Variants in SLC39A11 observed in about 807,000 individuals in gnomAD.
The protein encoded by SLC39A11 is solute carrier family 39 member 11, also known as zinc transporter ZIP11.
SLC39A11 carries 33 observed loss-of-function variants against 36.1 expected under a neutral mutation model. The ratio of observed to expected loss-of-function variants is 0.91; its 90% confidence interval spans 0.69 to 1.22. The LOEUF is 1.22. SLC39A11 is among the 50% of genes most tolerant of loss of function. SLC39A11 has a pLI of 0.00. For synonymous variants in SLC39A11, 166 were observed against 170.3 expected (o/e 0.97, Z 0.20); for missense variants, 432 against 430.3 (o/e 1.00, Z -0.03).
At chr17:72,914,914 C>T (rs11869452) in intron 5 of SLC39A11, among the ~76,000 whole-genome samples, 21,438 of 151,662 alleles carry the variant, frequency 0.14, 1,834 homozygotes, top group Non-Finnish European at 0.2. Flanking sequence ...CTTTTGTTTG[C>T]GGTGGTTTTT....
rs149925388 is a variant in SLC39A11, at chr17:72,945,823, C to T, written c.430+1929G>A. On this transcript the variant is annotated intron_variant, in intron 5 of 9. Transcript: ENST00000255559. ...AGAGCCAACTCCCCTGACCCCGTCC[C>T]GGCTGTGACTCCATTGGAAAATGTC... Among the ~76,000 whole-genome samples, 295 of 152,302 alleles carry T rather than the reference C, an allele frequency of 1.9e-3. 1 individual carries two copies. The highest frequency in any genetic ancestry group is 6.7e-3 in the African/African-American group (278 of 41,556).
At chr17:73,076,065 T>C (rs969779176) in intron 3 of SLC39A11, among the ~76,000 whole-genome samples, 27 of 152,200 alleles carry the variant, frequency 1.8e-4, no homozygotes, top group African/African-American at 6.5e-4. Flanking sequence ...CTAAAATCTT[T>C]TCCACCCTTT....
At chr17:72,923,551 G>A (rs1453302148) in intron 5 of SLC39A11, among the ~76,000 whole-genome samples, 1 of 152,222 alleles carries the variant, frequency 6.6e-6, no homozygotes, top group African/African-American at 2.4e-5. Flanking sequence ...ACAGGATAGA[G>A]AAATAGTGAC....
At chr17:73,006,037 C>T (rs1352954389) in intron 4 of SLC39A11, among the ~76,000 whole-genome samples, 1 of 152,046 alleles carries the variant, frequency 6.6e-6, no homozygotes, top group Non-Finnish European at 1.5e-5. Context: ...GAGAGCCTGG[C>T]ACCGTGCCTG....
At chr17:72,726,784 G>A (rs2073950290) in intron 7 of SLC39A11, among the ~76,000 whole-genome samples, 1 of 152,076 alleles carries the variant, frequency 6.6e-6, no homozygotes, top group African/African-American at 2.4e-5. Flanking sequence ...TCTGACTTAC[G>A]ATCTTTCCTC....
At chr17:72,879,076 G>T (rs903285947) in intron 5 of SLC39A11, among the ~76,000 whole-genome samples, 6 of 152,376 alleles carry the variant, frequency 3.9e-5, no homozygotes, top group African/African-American at 1.4e-4. Context: ...GCATAGGGAG[G>T]TTATATAGGA....
At chr17:72,721,502 A>G (rs534922452) in intron 7 of SLC39A11, among the ~76,000 whole-genome samples, 19 of 152,096 alleles carry the variant, frequency 1.2e-4, no homozygotes, top group African/African-American at 4.3e-4. Flanking sequence ...ATGTGTGATG[A>G]TTCAAGAGAA....
chr17:72,803,809 C>G (rs2077169349), intron 6 of SLC39A11, among the ~76,000 whole-genome samples: 2 of 152,162 alleles, frequency 1.3e-5, no homozygotes, highest in African/African-American at 4.8e-5. Context: ...TGAAGAGAAG[C>G]AGGTACATCC....
intron 6 of SLC39A11, among the ~76,000 whole-genome samples, chr17:72,813,479 C>T (rs1193049539): frequency 1.3e-5 from 2 of 152,172 alleles, no homozygotes; most frequent in Non-Finnish European, 1.5e-5. Flanking sequence ...TGGTAAAATA[C>T]CATGGTTCTT....
chr17:72,812,509 T>A (rs567726912), intron 6 of SLC39A11, among the ~76,000 whole-genome samples: 33 of 152,356 alleles, frequency 2.2e-4, no homozygotes, highest in African/African-American at 6.5e-4. Flanking sequence ...AATGTGCCTT[T>A]AAGCAACTTA....
chr17:72,897,539 T>C (rs2082092921), intron 5 of SLC39A11, among the ~76,000 whole-genome samples: 1 of 152,172 alleles, frequency 6.6e-6, no homozygotes, highest in Non-Finnish European at 1.5e-5. Context: ...TCAGAAGAAA[T>C]GCCAGAGAGG....
chr17:72,882,767 C>G (rs2081256889), intron 5 of SLC39A11, among the ~76,000 whole-genome samples: 1 of 147,860 alleles, frequency 6.8e-6, no homozygotes, highest in Admixed American at 6.8e-5. Context: ...ATTAAACTCA[C>G]ACAACCTGCT....
intron 5 of SLC39A11, among the ~76,000 whole-genome samples, chr17:72,912,076 T>C (rs2083039690): frequency 6.6e-6 from 1 of 152,114 alleles, no homozygotes; most frequent in African/African-American, 2.4e-5. Context: ...GCATGAAAGA[T>C]GTTACCCAAG....
intron 4 of SLC39A11, among the ~76,000 whole-genome samples, chr17:73,012,786 A>T (rs2090597605): frequency 6.6e-6 from 1 of 151,714 alleles, no homozygotes; most frequent in South Asian, 2.1e-4. Context: ...TTATTTATTT[A>T]TTTAGAGCCA....
At chr17:72,734,817 C>T (rs1038982848) in intron 7 of SLC39A11, among the ~76,000 whole-genome samples, 6 of 152,246 alleles carry the variant, frequency 3.9e-5, no homozygotes, top group East Asian at 1.9e-4. Context: ...CGGTTTCCTG[C>T]GCTCTGGGAG....
At chr17:72,951,435 C>T (rs2085858920) in intron 4 of SLC39A11, among the ~76,000 whole-genome samples, 1 of 152,094 alleles carries the variant, frequency 6.6e-6, no homozygotes, top group Non-Finnish European at 1.5e-5. Context: ...TAGGAAGACT[C>T]CCTGCTCACC....
intron 6 of SLC39A11, among the ~76,000 whole-genome samples, chr17:72,788,482 G>A (rs1036039277): frequency 2.1e-5 from 3 of 143,082 alleles, no homozygotes; most frequent in Non-Finnish European, 4.4e-5. Context: ...AATGTCACAC[G>A]ACCAGGCAGC....
intron 6 of SLC39A11, among the ~76,000 whole-genome samples, chr17:72,788,726 T>C (rs1002631557): frequency 3.3e-5 from 5 of 152,126 alleles, no homozygotes; most frequent in African/African-American, 1.2e-4. Flanking sequence ...ATTTAAGAGG[T>C]GATGCTCTCC....
intron 7 of SLC39A11, among the ~76,000 whole-genome samples, chr17:72,734,715 G>A (rs575384982): frequency 5.3e-5 from 8 of 152,326 alleles, no homozygotes; most frequent in South Asian, 2.1e-4. Flanking sequence ...ATGATGTCGC[G>A]GGGGACGTGG....
Sources: allele counts gnomAD v4.1 joint callset (sites outside exome capture counted in the v4.1 genomes callset), GRCh38; gene constraint gnomAD v4.1.1; transcripts MANE v1.5; gene names NCBI Gene and HGNC (gene_info 2026-07-23, HGNC 2026-07-21).